The following FMN1 variants were observed in gnomAD, a reference collection of about 807,000 sequenced individuals.
The protein encoded by FMN1 is formin 1.
In FMN1, 110 loss-of-function variants were observed where a neutral mutation model predicts 132.4. The ratio of observed to expected loss-of-function variants is 0.83; its 90% CI spans 0.71 to 0.97. The LOEUF (loss-of-function observed/expected upper bound fraction) is 0.97. Among genes scored for constraint, FMN1 ranks in the 50% least tolerant of loss-of-function variants. The probability of loss-of-function intolerance (pLI) is 0.00; values close to 1 mark genes in which losing one functional copy is unlikely to be tolerated. For missense variants in FMN1, 1,792 were observed against 1,705.3 expected (o/e 1.05, Z -0.90); for synonymous variants, 722 against 651.7 (o/e 1.11, Z -1.64).
chr15:33,040,436 A>G (rs2036378743), intron 6 of FMN1, among the ~76,000 whole-genome samples: 1 of 152,246 alleles, frequency 6.6e-6, no homozygotes, highest in African/African-American at 2.4e-5. Context: ...ACAGAAAAAA[A>G]CCATTAAGTG....
intron 7 of FMN1, among the ~76,000 whole-genome samples, chr15:32,980,046 G>C (rs1331089060): frequency 1.3e-5 from 2 of 151,430 alleles, no homozygotes; most frequent in African/African-American, 4.9e-5. Context: ...TAGGCAAATC[G>C]ACAGGGCAAA....
At chr15:33,044,139 G>A (rs1344632013) in intron 6 of FMN1, among the ~76,000 whole-genome samples, 3 of 152,226 alleles carry the variant, frequency 2.0e-5, no homozygotes, top group Non-Finnish European at 4.4e-5. Context: ...GGGCCTTGGT[G>A]CCCTCAAGAC....
rs553710985 is a variant in FMN1 at position 32,929,323 on chromosome 15, T to C, written c.3139-3062A>G. On this transcript the variant is annotated intron_variant, in intron 9 of 20. Coordinates refer to ENST00000616417, the MANE Select transcript of FMN1 (RefSeq NM_001277313.2). ...CCAGGTTTCTCAAAACCAACTACAA[T>C]GGTAGGGACACAATGCGCACAGAAT... Among the ~76,000 whole-genome samples, 5 of 152,344 alleles carry C rather than the reference T, an allele frequency of 3.3e-5. 1 individual carries two copies. In the South Asian group the frequency reaches 1.0e-3, roughly 32 times the overall value.
At position 32,904,154 on chromosome 15, in the gene FMN1, T is replaced by G. The variant is rs758219231; in HGVS notation, c.3378-2114A>C. Among the ~76,000 whole-genome samples the G allele has an allele frequency of 5.2e-4, 79 of 152,022 alleles. 1 individual carries two copies. Among genetic ancestry groups the G allele is most frequent in the Admixed American group, 1.2e-3 (19 of 15,258 alleles). On this transcript the variant is annotated intron_variant, in intron 12 of 20. Coordinates refer to ENST00000616417, the MANE Select transcript of FMN1 (RefSeq NM_001277313.2). Reference sequence around the variant, plus strand: ...ACAATTACTGTGGAGTGTGAATGAGTGCTCTCGGTGATGGATCCAGAAGAG... The same window carrying G: ...ACAATTACTGTGGAGTGTGAATGAGGGCTCTCGGTGATGGATCCAGAAGAG...
intron 9 of FMN1, among the ~76,000 whole-genome samples, chr15:32,930,905 T>G (rs937159591): frequency 6.6e-6 from 1 of 152,188 alleles, no homozygotes; most frequent in Admixed American, 6.6e-5. Flanking sequence ...CATTCTTTTG[T>G]GTGTGGATAG....
intron 4 of FMN1, among the ~76,000 whole-genome samples, chr15:33,114,364 C>T (rs745676843): frequency 6.6e-6 from 1 of 152,154 alleles, no homozygotes; most frequent in African/African-American, 2.4e-5. Context: ...CCTCTGGCTG[C>T]CTGAACATTT....
intron 17 of FMN1, among the ~76,000 whole-genome samples, chr15:32,842,682 A>C (rs965896660): frequency 2.0e-5 from 3 of 152,232 alleles, no homozygotes; most frequent in African/African-American, 4.8e-5. Context: ...GTATGAAAGA[A>C]AGACCCATAG....
intron 4 of FMN1, among the ~76,000 whole-genome samples, chr15:33,138,036 A>T (rs1963847689): frequency 6.6e-6 from 1 of 152,138 alleles, no homozygotes. Flanking sequence ...TCAATACAAT[A>T]TTTGTCAACT....
intron 16 of FMN1, among the ~76,000 whole-genome samples, chr15:32,865,992 T>C (rs935854378): frequency 3.3e-5 from 5 of 152,162 alleles, no homozygotes; most frequent in African/African-American, 1.2e-4. Context: ...CATACAGCTA[T>C]GTATATATAT....
intron 9 of FMN1, among the ~76,000 whole-genome samples, chr15:32,926,542 C>G (rs1406807044): frequency 6.6e-6 from 1 of 152,186 alleles, no homozygotes; most frequent in Non-Finnish European, 1.5e-5. Flanking sequence ...TACTCAAGTA[C>G]AAAGTTATAC....
intron 9 of FMN1, among the ~76,000 whole-genome samples, chr15:32,939,902 T>C (rs1356375636): frequency 6.6e-6 from 1 of 152,140 alleles, no homozygotes; most frequent in Non-Finnish European, 1.5e-5. Flanking sequence ...TGGTAGGAAA[T>C]TTAATATATA....
At chr15:33,065,201 A>G (rs933766530) in intron 5 of FMN1, 127 bp from the exon 6 acceptor site, 7 of 572,908 alleles carry the variant, frequency 1.2e-5, no homozygotes, top group East Asian at 2.9e-5. Context: ...CTCATTCACT[A>G]TAATTCAGAT....
At chr15:33,061,375 T>C (rs573275141) in intron 6 of FMN1, among the ~76,000 whole-genome samples, 1 of 152,244 alleles carries the variant, frequency 6.6e-6, no homozygotes, top group South Asian at 2.1e-4. Context: ...TGTATTTATC[T>C]TTTAAAACAT....
intron 5 of FMN1, among the ~76,000 whole-genome samples, chr15:33,078,871 G>C (rs755485242): frequency 3.9e-5 from 6 of 152,140 alleles, no homozygotes; most frequent in Non-Finnish European, 8.8e-5. Context: ...CAAGAGACCA[G>C]GGTTGGAAGA....
chr15:32,776,860 T>C lies in FMN1; in HGVS notation c.4190A>G (p.Lys1397Arg). ...KLTSEKKVET[K>R]KINPTASLKE... ...CAGGCTAGCAGTGGGATTGATTTTC[T>C]TTGTCTCCACTTTCTTCTCTGAAGT... The change falls in exon 20 of 21, where the codon AAG (lysine) becomes AGG (arginine). Residue 1397 changes from lysine to arginine, a missense_variant. Lys to Arg is a conservative substitution (Grantham distance 26). Coordinates refer to ENST00000616417, the MANE Select transcript of FMN1 (RefSeq NM_001277313.2). The C allele has an allele frequency of 1.3e-6, 2 of 1,594,542 alleles. No individual in the cohort carries two copies. The highest frequency in any genetic ancestry group is 1.7e-4 in the Middle Eastern group (1 of 6,036).
intron 5 of FMN1, among the ~76,000 whole-genome samples, chr15:33,080,980 T>C (rs185988221): frequency 2.6e-5 from 4 of 152,170 alleles, no homozygotes; most frequent in East Asian, 1.9e-4. Flanking sequence ...AAGGCTGCAG[T>C]TGAGCCCAAG....
chr15:32,951,071 A>C (rs2061640795), intron 9 of FMN1, among the ~76,000 whole-genome samples: 1 of 152,144 alleles, frequency 6.6e-6, no homozygotes, highest in South Asian at 2.1e-4. Context: ...TATGAAAGTT[A>C]ATGCAGTCTA....
At chr15:33,135,051 G>C (rs925157873) in intron 4 of FMN1, among the ~76,000 whole-genome samples, 9 of 152,168 alleles carry the variant, frequency 5.9e-5, no homozygotes, top group African/African-American at 2.2e-4. Context: ...ATGTTTCACA[G>C]CTAAAATAAA....
At chr15:33,008,973 T>C (rs1266850458) in intron 6 of FMN1, among the ~76,000 whole-genome samples, 3 of 152,332 alleles carry the variant, frequency 2.0e-5, no homozygotes, top group African/African-American at 7.2e-5. Context: ...AGGCTATTTC[T>C]CCAAGTAGAT....
Sources: allele counts gnomAD v4.1 joint callset (sites outside exome capture counted in the v4.1 genomes callset), GRCh38; gene constraint gnomAD v4.1.1; transcripts MANE v1.5; gene names NCBI Gene and HGNC (gene_info 2026-07-23, HGNC 2026-07-21).